Variants in SNX25 observed in about 807,000 individuals in gnomAD.
The protein encoded by SNX25 is sorting nexin 25.
SNX25 carries 62 observed loss-of-function variants against 113.7 expected under a neutral mutation model. That is an observed-to-expected ratio of 0.55 (90% CI 0.44 to 0.67). The LOEUF is 0.67. Among genes scored for constraint, SNX25 ranks in the 30% least tolerant of loss-of-function variants. SNX25 has a pLI of 0.00. For synonymous variants in SNX25, 421 were observed against 436.2 expected (o/e 0.97, Z 0.43); for missense variants, 1,014 against 1,161.0 (o/e 0.87, Z 1.84).
chr4:185,223,948 C>T (rs551089720), intron 1 of SNX25, among the ~76,000 whole-genome samples: 9 of 152,256 alleles, frequency 5.9e-5, no homozygotes, highest in East Asian at 5.8e-4. Context: ...AGGTACAGTT[C>T]GGTAGAAAAG....
intron 3 of SNX25, among the ~76,000 whole-genome samples, chr4:185,263,832 G>T (rs1304962650): frequency 6.6e-6 from 1 of 152,164 alleles, no homozygotes. Context: ...CTGTTTTCCA[G>T]TCCTCTTCAC....
At chr4:185,256,380 A>G (rs1181013759) in intron 2 of SNX25, among the ~76,000 whole-genome samples, 1 of 152,234 alleles carries the variant, frequency 6.6e-6, no homozygotes, top group Non-Finnish European at 1.5e-5. Flanking sequence ...ATGCTGTTTT[A>G]TAAATTGCTA....
downstream of SNX25, chr4:185,370,549 A>G (rs2095411306): frequency 1.5e-6 from 2 of 1,362,210 alleles, no homozygotes; most frequent in Non-Finnish European, 2.0e-6. Flanking sequence ...AATTGAGTAG[A>G]AAAAACACTA....
At chr4:185,269,848 T>A (rs74511086) in intron 5 of SNX25, among the ~76,000 whole-genome samples, 6 of 152,162 alleles carry the variant, frequency 3.9e-5, no homozygotes, top group Non-Finnish European at 8.8e-5. Flanking sequence ...TAGCTGGGAC[T>A]ACAGGCGAGC....
Position 185,234,504 on chromosome 4 carries a change from A to G in SNX25, c.430-12790A>G, listed in dbSNP as rs1335233149. ...GAGACCATCCTGGCTAACACGGTGA[A>G]ACCCCGTCTCTACTAAAAATACAAA... On this transcript the variant is annotated intron_variant, in intron 1 of 18. Transcript: ENST00000652585. Among the ~76,000 whole-genome samples the G allele has an allele frequency of 5.2e-5, 4 of 76,598 alleles. 2 individuals carry two copies. Among genetic ancestry groups the G allele is most frequent in the Non-Finnish European group, 1.2e-4 (4 of 34,190 alleles). 50.3% of individuals were successfully genotyped at this position (76,598 alleles called of 152,430 possible). A position where few individuals can be genotyped will look rare whatever the true frequency, so the allele number is the denominator to read the frequency against.
intron 6 of SNX25, among the ~76,000 whole-genome samples, chr4:185,300,637 A>G (rs1484208791): frequency 6.6e-6 from 1 of 152,066 alleles, no homozygotes; most frequent in African/African-American, 2.4e-5. Flanking sequence ...GTGAAGTGAT[A>G]CAAACAATTC....
chr4:185,258,797 G>T (rs1475067288), intron 2 of SNX25, 51 bp from the exon 3 acceptor site: 1 of 1,448,702 alleles, frequency 6.9e-7, no homozygotes, highest in Admixed American at 1.7e-5. Context: ...TGCAGTCTTG[G>T]TGTTTGCTTC....
intron 12 of SNX25, among the ~76,000 whole-genome samples, chr4:185,344,017 G>A (rs750697313): frequency 2.0e-5 from 3 of 152,094 alleles, no homozygotes; most frequent in Non-Finnish European, 2.9e-5. Context: ...TCAGGAGTTC[G>A]AGACCAGCCA....
intron 6 of SNX25, among the ~76,000 whole-genome samples, chr4:185,293,183 C>G (rs1752417123): frequency 6.6e-6 from 1 of 152,116 alleles, no homozygotes; most frequent in Non-Finnish European, 1.5e-5. Context: ...AACTGGAAAC[C>G]TTATACATTG....
intron 6 of SNX25, among the ~76,000 whole-genome samples, chr4:185,290,121 G>A (rs1351184373): frequency 3.3e-5 from 5 of 152,064 alleles, no homozygotes; most frequent in Non-Finnish European, 1.5e-5. Context: ...TACTGCACTG[G>A]GGCCCATCTA....
chr4:185,288,489 C>T (rs1751666434), intron 6 of SNX25, among the ~76,000 whole-genome samples: 1 of 151,516 alleles, frequency 6.6e-6, no homozygotes, highest in Admixed American at 6.6e-5. Context: ...TTAATCTTTT[C>T]CTTATTTTCC....
chr4:185,323,591 T>C lies in SNX25; in HGVS notation c.1540T>C (p.Ser514Pro), dbSNP rs755597794. The change falls in exon 9 of 19, where the codon TCT becomes CCT. Residue 514 changes from serine to proline, a missense_variant. Physicochemically the swap from Ser to Pro is moderately conservative, Grantham distance 74 (BLOSUM62 -1). Coordinates refer to ENST00000652585, the MANE Select transcript of SNX25 (RefSeq NM_001378034.2). ...TTTCTTTGTGGAGAGCAAAGAAATATCTGTGGAAAAATCACTTTACAAAGA... is the reference window on the plus strand; with the variant it reads ...TTTCTTTGTGGAGAGCAAAGAAATACCTGTGGAAAAATCACTTTACAAAGA... The part of the protein sequence containing the change: ...QNFFVESKEI[S>P]VEKSLYKEIQ... 3.1e-6 allele frequency: 5 copies of C among 1,613,106 alleles called. No homozygotes were observed. In the African/African-American group the frequency reaches 6.7e-5, roughly 22 times the overall value.
chr4:185,238,192 C>T (rs1476621830), intron 1 of SNX25, among the ~76,000 whole-genome samples: 1 of 151,674 alleles, frequency 6.6e-6, no homozygotes, highest in East Asian at 1.9e-4. Context: ...TTATTTGATC[C>T]TCCTGAGGCA....
intron 5 of SNX25, among the ~76,000 whole-genome samples, chr4:185,282,602 G>A (rs1467615875): frequency 1.3e-5 from 2 of 152,198 alleles, no homozygotes; most frequent in Admixed American, 1.3e-4. Flanking sequence ...ACCAAAGAGA[G>A]ATGAGGTGGC....
downstream of SNX25, among the ~76,000 whole-genome samples, chr4:185,371,275 C>G (rs1363309164): frequency 6.6e-6 from 1 of 152,110 alleles, no homozygotes; most frequent in Non-Finnish European, 1.5e-5. Flanking sequence ...CGCGGTGGCT[C>G]ACGCCTGTAA....
intron 1 of SNX25, among the ~76,000 whole-genome samples, chr4:185,226,610 C>T (rs1473300034): frequency 6.6e-6 from 1 of 152,046 alleles, no homozygotes; most frequent in East Asian, 1.9e-4. Context: ...GCCACCACGC[C>T]CTGCTAATTT....
At chr4:185,301,677 C>G (rs1340716027) in intron 6 of SNX25, among the ~76,000 whole-genome samples, 1 of 152,132 alleles carries the variant, frequency 6.6e-6, no homozygotes, top group African/African-American at 2.4e-5. Context: ...ACCTCTGCCT[C>G]CTGGGTTCAA....
chr4:185,223,589 C>T (rs1740356104), intron 1 of SNX25, among the ~76,000 whole-genome samples: 2 of 151,870 alleles, frequency 1.3e-5, no homozygotes, highest in African/African-American at 4.8e-5. Context: ...GACCATCCTG[C>T]CTAACACGGT....
chr4:185,332,766 C>T lies in SNX25; in HGVS notation c.1914+7C>T. 3 of 1,611,404 alleles carry T rather than the reference C, an allele frequency of 1.9e-6. No individual in the cohort carries two copies. In the South Asian group the frequency reaches 3.3e-5, roughly 18 times the overall value. On this transcript the variant is annotated splice_region_variant and intron_variant, in intron 10 of 18. Transcript: ENST00000652585. ...ACCAAAACCTGACAAGAAGGTAACTCTTTGCTTTCAAGGTTGTCTTTGAAA... is the reference window on the plus strand; with the variant it reads ...ACCAAAACCTGACAAGAAGGTAACTTTTTGCTTTCAAGGTTGTCTTTGAAA...
Sources: gnomAD v4.1 joint callset for allele counts (sites outside exome capture counted in the v4.1 genomes callset) on GRCh38, gnomAD v4.1.1 for gene constraint, MANE v1.5 for transcripts, NCBI Gene and HGNC (gene_info 2026-07-23, HGNC 2026-07-21) for gene names.